RNF4: variants seen among roughly 807,000 people sequenced by gnomAD.
The protein encoded by RNF4 is ring finger protein 4, also known as E3 ubiquitin-protein ligase RNF4.
A neutral mutation model predicts 24.3 loss-of-function variants in RNF4; 7 were observed. The ratio of observed to expected loss-of-function variants is 0.29; its 90% confidence interval spans 0.16 to 0.54. The LOEUF is 0.54. Among genes scored for constraint, RNF4 ranks in the 20% least tolerant of loss-of-function variants. RNF4 has a pLI of 0.95. For synonymous variants in RNF4, 83 were observed against 84.3 expected, an observed-to-expected ratio of 0.98 and a Z score of 0.09; for missense variants, 209 against 248.5, an observed-to-expected ratio of 0.84 and a Z score of 1.07.
intron 4 of RNF4, among the ~76,000 whole-genome samples, chr4:2,502,332 T>C (rs1735934948): frequency 6.6e-6 from 1 of 152,218 alleles, no homozygotes; most frequent in Non-Finnish European, 1.5e-5. Flanking sequence ...GATTGGCTTT[T>C]GTTGGCTGAC....
rs1736303691 is a variant in RNF4, at chr4:2,512,734, T to TGGAACTGGGTCC, written c.374+138_374+149dup. 1 of 1,007,728 alleles carries TGGAACTGGGTCC rather than the reference T, an allele frequency of 9.9e-7. No individual in the cohort carries two copies. Among genetic ancestry groups the TGGAACTGGGTCC allele is most frequent in the Non-Finnish European group, 1.4e-6 (1 of 700,650 alleles). The allele number at this position is 1,007,728 out of a possible 1,614,324, so 62.4% of individuals were successfully genotyped here. On this transcript the variant is annotated intron_variant, in intron 6 of 7. Coordinates refer to ENST00000314289, the MANE Select transcript of RNF4 (RefSeq NM_002938.5). The surrounding 1 kb of genome is among the most constrained non-coding windows in gnomAD (Gnocchi z 4.1). ...CCTCTACCCAGCATCTGGATACAGT[T>TGGAACTGGGTCC]GGAACTGGGTCCAGAACTGAGTCCA... is the stretch of plus-strand genomic sequence containing the variant.
chr4:2,473,708 AGCT>A (rs972918727), intron 1 of RNF4, among the ~76,000 whole-genome samples: 7 of 151,936 alleles, frequency 4.6e-5, no homozygotes, highest in African/African-American at 1.7e-4. Flanking sequence ...CTACTCTGGA[AGCT>A]GAGGCAGAGA....
chr4:2,502,506 A>G (rs1384495035), intron 4 of RNF4, among the ~76,000 whole-genome samples: 1 of 152,092 alleles, frequency 6.6e-6, no homozygotes, highest in African/African-American at 2.4e-5. Context: ...CAACATGGTG[A>G]AACCCTGTCT....
intron 1 of RNF4, among the ~76,000 whole-genome samples, chr4:2,477,506 A>G (rs1735114821): frequency 6.6e-6 from 1 of 152,012 alleles, no homozygotes. Flanking sequence ...AATTGCTTGA[A>G]CCCAGGAGGT....
In RNF4 at chr4:2,512,282, G is replaced by A. The variant is rs1434341187; in HGVS notation, c.215-156G>A. 5 of 913,000 alleles carry A rather than the reference G, an allele frequency of 5.5e-6. No individual in the cohort carries two copies. The African/African-American group carries it at 8.3e-5, about 15-fold the overall frequency. 56.6% of individuals were successfully genotyped at this position (913,000 alleles called of 1,614,324 possible). A position where few individuals can be genotyped will look rare whatever the true frequency, so the allele number is the denominator to read the frequency against. On this transcript the variant is annotated intron_variant, in intron 5 of 7. Coordinates refer to ENST00000314289, the MANE Select transcript of RNF4 (RefSeq NM_002938.5). The surrounding 1 kb of genome is among the most constrained non-coding windows in gnomAD (Gnocchi z 4.1). ...ATAAGATAGTGGCCTCCAGAGCTGG[G>A]CAGAACCTTCTGGGTTATAGCTGAG...
chr4:2,510,806 G>A (rs911672734), intron 4 of RNF4, among the ~76,000 whole-genome samples: 1 of 152,320 alleles, frequency 6.6e-6, no homozygotes, highest in African/African-American at 2.4e-5. Flanking sequence ...AGATGGGTAA[G>A]AGCACTTGGC....
chr4:2,509,272 C>G (rs1157948072), intron 4 of RNF4, among the ~76,000 whole-genome samples: 1 of 151,640 alleles, frequency 6.6e-6, no homozygotes, highest in Admixed American at 6.6e-5. Context: ...GGCTGGAGTG[C>G]AATGGCGTGA....
Position 2,474,949 on chromosome 4 carries a change from C to T in RNF4, c.-158+5691C>T, listed in dbSNP as rs190658294. Among the ~76,000 whole-genome samples, 44 of 152,280 alleles carry T rather than the reference C, an allele frequency of 2.9e-4. No individual in the cohort carries two copies. The South Asian group carries it at 5.2e-3, about 18-fold the overall frequency. On this transcript the variant is annotated intron_variant, in intron 1 of 7. Coordinates refer to ENST00000314289, the MANE Select transcript of RNF4 (RefSeq NM_002938.5). The stretch of plus-strand genomic sequence containing the variant: ...AGCTGAGACAGGAGAATTGCTTGAA[C>T]CAGGGAGGCAGAGGTTGCGGTGAGC...
chr4:2,476,988 G>T (rs1038936595), intron 1 of RNF4, among the ~76,000 whole-genome samples: 2 of 151,302 alleles, frequency 1.3e-5, no homozygotes, highest in African/African-American at 4.9e-5. Context: ...CACTATGTTG[G>T]CCAGCCTGGT....
chr4:2,511,876 A>C, intron 4 of RNF4, 80 bp from the exon 5 acceptor site: 4 of 1,464,412 alleles, frequency 2.7e-6, no homozygotes, highest in Non-Finnish European at 3.8e-6. Flanking sequence ...CACACGTCAG[A>C]AAAAAGAAAT....
chr4:2,483,943 C>G (rs1735318749), intron 1 of RNF4, among the ~76,000 whole-genome samples: 3 of 151,410 alleles, frequency 2.0e-5, no homozygotes, highest in South Asian at 4.2e-4. Context: ...TCTCCTGCCT[C>G]AGGTTCCCGA....
intron 1 of RNF4, among the ~76,000 whole-genome samples, chr4:2,479,590 A>G (rs1735187486): frequency 2.0e-5 from 3 of 152,154 alleles, no homozygotes; most frequent in Admixed American, 2.0e-4. Context: ...CATCCACGTA[A>G]GACGGGACTT....
At chr4:2,476,812 CTTTT>C in intron 1 of RNF4, among the ~76,000 whole-genome samples, 1 of 141,450 alleles carries the variant, frequency 7.1e-6, no homozygotes, top group South Asian at 2.2e-4. Flanking sequence ...CAGCCTAAAA[CTTTT>C]TTTTTTTTTT....
rs866659841 is a variant in RNF4 at position 2,490,452 on chromosome 4, C to G, written c.-42C>G. 1 of 1,608,582 alleles carries G rather than the reference C, an allele frequency of 6.2e-7. No homozygotes were observed. Among genetic ancestry groups the G allele is most frequent in the Non-Finnish European group, 8.5e-7 (1 of 1,176,858 alleles). ...CTTCCCTGCAAACCTTGGTATAGATCACTTCCTTTTCTGTAGGAAAGGAAA... is the reference window on the plus strand; with the variant it reads ...CTTCCCTGCAAACCTTGGTATAGATGACTTCCTTTTCTGTAGGAAAGGAAA... On this transcript the variant is annotated 5_prime_UTR_variant, in exon 2 of 8. The change creates a new upstream start codon in the 5' untranslated region. Coordinates refer to ENST00000314289, the MANE Select transcript of RNF4 (RefSeq NM_002938.5).
intron 2 of RNF4, among the ~76,000 whole-genome samples, chr4:2,496,602 A>G (rs1391002647): frequency 6.6e-6 from 1 of 152,138 alleles, no homozygotes. Flanking sequence ...CTGGGATTAC[A>G]GGTGCCTGCC....
chr4:2,473,393 T>A (rs543829723), intron 1 of RNF4, among the ~76,000 whole-genome samples: 1 of 150,832 alleles, frequency 6.6e-6, no homozygotes, highest in Admixed American at 6.6e-5. Context: ...AAAAAAAAAA[T>A]CAATTAACAC....
chr4:2,499,319 T>G, intron 3 of RNF4: 3 of 450,168 alleles, frequency 6.7e-6, no homozygotes, highest in South Asian at 4.7e-5. Context: ...GAGATGGAGT[T>G]TTGCTCTTGT....
chr4:2,503,479 T>G (rs1044820811), intron 4 of RNF4, among the ~76,000 whole-genome samples: 6 of 152,214 alleles, frequency 3.9e-5, no homozygotes, highest in Non-Finnish European at 7.3e-5. Flanking sequence ...CTCTCAGATC[T>G]ACTGGTCAGT....
chr4:2,510,614 G>A (rs1456220833), intron 4 of RNF4, among the ~76,000 whole-genome samples: 2 of 152,244 alleles, frequency 1.3e-5, no homozygotes, highest in Non-Finnish European at 2.9e-5. Context: ...TCACGTCTAG[G>A]ATCCTGGCTG....
Sources: gnomAD v4.1 joint callset for allele counts (sites outside exome capture counted in the v4.1 genomes callset) on GRCh38, gnomAD v4.1.1 for gene constraint, Gnocchi (gnomAD v3.1) non-coding constraint, MANE v1.5 for transcripts, NCBI Gene and HGNC (gene_info 2026-07-23, HGNC 2026-07-21) for gene names.